Variants in HDAC8 observed in about 807,000 individuals in gnomAD.
HDAC8 encodes histone deacetylase 8, also known as histone deacetylase-like 1.
A neutral mutation model predicts 32.2 loss-of-function variants in HDAC8; 1 was observed. That is an observed-to-expected ratio of 0.03 (90% CI 0.01 to 0.15). HDAC8 has a LOEUF of 0.15. Among genes scored for constraint, HDAC8 ranks in the 10% least tolerant of loss-of-function variants. The pLI is 1.00. For synonymous variants in HDAC8, 108 were observed against 113.9 expected, an observed-to-expected ratio of 0.95 and a Z score of 0.33; for missense variants, 117 against 300.0, an observed-to-expected ratio of 0.39 and a Z score of 4.51.
chrX:72,565,196 G>A (rs1288943653), intron 4 of HDAC8, among the ~76,000 whole-genome samples: 10 of 112,506 alleles, frequency 8.9e-5, no homozygotes, highest in Admixed American at 7.5e-4. Context: ...TTGACATGTA[G>A]TAGGTGCCTA....
intron 4 of HDAC8, among the ~76,000 whole-genome samples, chrX:72,528,427 T>C (rs2050226281): frequency 8.9e-6 from 1 of 112,176 alleles, no homozygotes; most frequent in Non-Finnish European, 1.9e-5. Flanking sequence ...AGCAGTGGCA[T>C]TGTTTTAGCT....
At chrX:72,495,027 C>T in intron 5 of HDAC8, 129 bp downstream of exon 5, 3 of 458,299 alleles carry the variant, frequency 6.5e-6, no homozygotes, top group East Asian at 3.8e-5. Flanking sequence ...CACTACACTA[C>T]CTACTTTAAA....
intron 4 of HDAC8, among the ~76,000 whole-genome samples, chrX:72,511,811 A>G (rs1556022091): frequency 8.9e-6 from 1 of 112,136 alleles, no homozygotes; most frequent in African/African-American, 3.2e-5. Context: ...TTGACCACAT[A>G]TTACTGAAAT....
chrX:72,339,422 T>C (rs1245525622), intron 10 of HDAC8, among the ~76,000 whole-genome samples: 3 of 112,220 alleles, frequency 2.7e-5, no homozygotes, highest in Non-Finnish European at 5.6e-5. Flanking sequence ...GGTGATACAA[T>C]TCTAGTATGT....
intron 9 of HDAC8, among the ~76,000 whole-genome samples, chrX:72,433,493 T>C (rs1555978101): frequency 8.9e-6 from 1 of 112,261 alleles, no homozygotes; most frequent in East Asian, 2.8e-4. Flanking sequence ...AGCTCTCTTG[T>C]TTTCTAAGAT....
At chrX:72,374,628 C>T (rs1277247557) in intron 9 of HDAC8, among the ~76,000 whole-genome samples, 43 of 109,039 alleles carry the variant, frequency 3.9e-4, no homozygotes, top group African/African-American at 1.3e-3. Context: ...GCTGAGATCA[C>T]GTCATTGCAC....
At chrX:72,547,297 A>C (rs2050894729) in intron 4 of HDAC8, among the ~76,000 whole-genome samples, 1 of 109,498 alleles carries the variant, frequency 9.1e-6, no homozygotes, top group South Asian at 4.0e-4. Context: ...GGGATTCCAT[A>C]ACCCCTTTCT....
At chrX:72,331,710 G>A (rs1412443869) in intron 10 of HDAC8, among the ~76,000 whole-genome samples, 2 of 111,072 alleles carry the variant, frequency 1.8e-5, no homozygotes, top group Non-Finnish European at 3.8e-5. Context: ...CATAATTACT[G>A]TTCAATATCC....
At chrX:72,539,600 A>T (rs968747450) in intron 4 of HDAC8, among the ~76,000 whole-genome samples, 15 of 111,515 alleles carry the variant, frequency 1.3e-4, no homozygotes, top group Admixed American at 1.1e-3. Context: ...TCAAAATTTT[A>T]AAAAGGGTTA....
chrX:72,367,814 G>T (rs2044746124), intron 9 of HDAC8, among the ~76,000 whole-genome samples: 1 of 112,701 alleles, frequency 8.9e-6, no homozygotes, highest in Non-Finnish European at 1.9e-5. Flanking sequence ...CAAAGATTTT[G>T]TGCCATCCTT....
chrX:72,429,234 T>C (rs1163685762), intron 9 of HDAC8, among the ~76,000 whole-genome samples: 1 of 111,322 alleles, frequency 9.0e-6, no homozygotes, highest in Non-Finnish European at 1.9e-5. Flanking sequence ...ATAAGGCCAA[T>C]GGGTGACCTA....
intron 9 of HDAC8, among the ~76,000 whole-genome samples, chrX:72,401,946 A>G (rs2147875665): frequency 8.9e-6 from 1 of 112,273 alleles, no homozygotes; most frequent in South Asian, 3.7e-4. Context: ...TTCTTTAAAC[A>G]TTTGGTAGAA....
chrX:72,537,067 G>T (rs1335411705), intron 4 of HDAC8, among the ~76,000 whole-genome samples: 1 of 111,990 alleles, frequency 8.9e-6, no homozygotes, highest in Non-Finnish European at 1.9e-5. Flanking sequence ...CAAGGGAAAT[G>T]GTGCAGCCAG....
At chrX:72,419,531 A>T (rs782801471) in intron 9 of HDAC8, among the ~76,000 whole-genome samples, 1 of 111,869 alleles carries the variant, frequency 8.9e-6, no homozygotes, top group Non-Finnish European at 1.9e-5. Flanking sequence ...TATAAAAGAC[A>T]TATCAAGAAA....
intron 9 of HDAC8, among the ~76,000 whole-genome samples, chrX:72,377,688 A>T (rs1315974868): frequency 8.9e-6 from 1 of 111,819 alleles, no homozygotes; most frequent in Non-Finnish European, 1.9e-5. Flanking sequence ...CTTCCAACCT[A>T]CGTGTGCCTT....
intron 4 of HDAC8, among the ~76,000 whole-genome samples, chrX:72,509,781 A>G (rs1272617011): frequency 9.1e-6 from 1 of 110,006 alleles, no homozygotes; most frequent in East Asian, 2.9e-4. Context: ...AATTTCTTCT[A>G]TTTCTCCTTC....
At chrX:72,472,490 G>C (rs185087574) in intron 7 of HDAC8, among the ~76,000 whole-genome samples, 49 of 111,978 alleles carry the variant, frequency 4.4e-4, no homozygotes, top group Non-Finnish European at 7.1e-4. Flanking sequence ...TATAATTGTG[G>C]GGGTTAATTT....
intron 4 of HDAC8, among the ~76,000 whole-genome samples, chrX:72,528,695 C>A (rs1022017194): frequency 1.8e-5 from 2 of 111,243 alleles, no homozygotes; most frequent in Admixed American, 9.5e-5. Context: ...CTCAGAGGTG[C>A]CTGAAGCTGG....
chrX:72,440,546 T>A (rs782651958), intron 9 of HDAC8, among the ~76,000 whole-genome samples: 25 of 112,128 alleles, frequency 2.2e-4, no homozygotes, highest in Non-Finnish European at 4.3e-4. Context: ...TGAGCTGGTT[T>A]TTTGAAAAAT....
Sources: allele counts gnomAD v4.1 joint callset (sites outside exome capture counted in the v4.1 genomes callset), GRCh38; gene constraint gnomAD v4.1.1; transcripts MANE v1.5; gene names NCBI Gene and HGNC (gene_info 2026-07-23, HGNC 2026-07-21).